The following KIF2A variants were observed in gnomAD, a reference collection of about 807,000 sequenced individuals.
KIF2A encodes the protein kinesin-like protein KIF2A.
A neutral mutation model predicts 100.2 loss-of-function variants in KIF2A; 22 were observed. That is an observed-to-expected ratio of 0.22 (90% confidence interval 0.16 to 0.31). The LOEUF is 0.31. KIF2A is among the 10% of genes least tolerant of loss of function. The pLI, the probability that KIF2A is intolerant of heterozygous loss-of-function variation, is 1.00. For missense variants in KIF2A, 495 were observed against 898.7 expected, an observed-to-expected ratio of 0.55 and a Z score of 5.74; for synonymous variants, 268 against 285.9, an observed-to-expected ratio of 0.94 and a Z score of 0.63.
At chr5:62,363,975 A>G in intron 14 of KIF2A, 76 bp downstream of exon 14, 1 of 1,131,488 alleles carries the variant, frequency 8.8e-7, no homozygotes, top group Non-Finnish European at 1.3e-6. Flanking sequence ...GCAAAATAGT[A>G]GTACTTGTTT....
intron 8 of KIF2A, 44 bp downstream of exon 8, chr5:62,357,789 AT>A (rs780333361): frequency 2.1e-5 from 24 of 1,141,882 alleles, no homozygotes; most frequent in Non-Finnish European, 3.0e-5. Flanking sequence ...ATTTTATCTT[AT>A]TTGTAATGTA....
intron 5 of KIF2A, 55 bp downstream of exon 5, chr5:62,352,765 C>T (rs1747918005): frequency 6.9e-7 from 1 of 1,451,324 alleles, no homozygotes; most frequent in South Asian, 1.2e-5. Flanking sequence ...TGTATTCTCT[C>T]TTGGTCATCC....
At chr5:62,312,949 G>C (rs148653869) in intron 1 of KIF2A, among the ~76,000 whole-genome samples, 49 of 152,168 alleles carry the variant, frequency 3.2e-4, no homozygotes, top group African/African-American at 1.1e-3. Flanking sequence ...TAGGGTGTGT[G>C]ATATTTTGGA....
intron 1 of KIF2A, among the ~76,000 whole-genome samples, chr5:62,333,452 G>A (rs536875778): frequency 2.0e-5 from 3 of 152,310 alleles, no homozygotes; most frequent in Admixed American, 1.3e-4. Context: ...GCGACATCAG[G>A]GGCAGGGCAA....
chr5:62,358,751 G>T (rs1044354824), intron 9 of KIF2A, among the ~76,000 whole-genome samples: 3 of 152,132 alleles, frequency 2.0e-5, no homozygotes, highest in Non-Finnish European at 2.9e-5. Flanking sequence ...GCTCACTGCA[G>T]CCTCGACCTT....
chr5:62,332,704 C>T (rs969327071), intron 1 of KIF2A, among the ~76,000 whole-genome samples: 24 of 152,100 alleles, frequency 1.6e-4, no homozygotes, highest in Admixed American at 1.6e-3. Flanking sequence ...AGTGTATCAA[C>T]ACGAACTCCC....
intron 1 of KIF2A, among the ~76,000 whole-genome samples, chr5:62,310,465 C>T (rs1190516868): frequency 2.0e-5 from 3 of 152,146 alleles, no homozygotes; most frequent in Non-Finnish European, 4.4e-5. Context: ...ATAAATCATA[C>T]ATTATTGGAT....
rs887755880 is a variant in KIF2A, at chr5:62,371,260, GA to G, written c.1647-1170del. On this transcript the variant is annotated intron_variant, in intron 16 of 20. Coordinates refer to ENST00000407818, the MANE Select transcript of KIF2A (RefSeq NM_001098511.3). ...TATGGTGAGACCTTATCTCAAAAAG[GA>G]AAAAAAACATATTTAGATTTTTCAG... 1.7e-4 allele frequency among the ~76,000 whole-genome samples: 25 copies of G among 151,272 alleles called. No individual in the cohort carries two copies. In the East Asian group the frequency reaches 1.7e-3, roughly 11 times the overall value.
chr5:62,362,590 A>G (rs890497154), intron 12 of KIF2A, 49 bp downstream of exon 12: 16 of 804,372 alleles, frequency 2.0e-5, no homozygotes, highest in Middle Eastern at 3.7e-4. Flanking sequence ...TATATATAAC[A>G]TAACATTTGC....
chr5:62,373,073 T>A (rs913467579), intron 17 of KIF2A, among the ~76,000 whole-genome samples: 1 of 151,860 alleles, frequency 6.6e-6, no homozygotes, highest in Non-Finnish European at 1.5e-5. Flanking sequence ...AAAAAAAAAT[T>A]TTTTTTAAAG....
rs1742053910 is a variant in KIF2A at position 62,386,850 on chromosome 5, T to C, written c.*1281T>C. ...CTCCAAGGAAGAAAACTGGCCACTT[T>C]TCATGTAAATATTTTGTTCAAAGAT... On this transcript the variant is annotated 3_prime_UTR_variant, in exon 21 of 21. Coordinates refer to ENST00000407818, the MANE Select transcript of KIF2A (RefSeq NM_001098511.3). Among the ~76,000 whole-genome samples the C allele has an allele frequency of 6.6e-6, 1 of 152,230 alleles. No homozygotes were observed. The highest frequency in any genetic ancestry group is 1.5e-5 in the Non-Finnish European group (1 of 68,028).
chr5:62,344,521 T>C (rs58057332), intron 1 of KIF2A, among the ~76,000 whole-genome samples: 37,318 of 151,974 alleles, frequency 0.25, 4,659 homozygotes, highest in Middle Eastern at 0.3. Context: ...CTCAGTGTTG[T>C]TGAGGGTGTG....
chr5:62,362,312 TA>T (rs1748451133), intron 11 of KIF2A, 137 bp from the exon 12 acceptor site: 1 of 368,836 alleles, frequency 2.7e-6, no homozygotes, highest in Non-Finnish European at 4.9e-6. Flanking sequence ...GTAAAATTAA[TA>T]TTCACTTTCT....
chr5:62,380,244 ATG>A (rs1418907857), intron 19 of KIF2A, among the ~76,000 whole-genome samples: 1 of 152,158 alleles, frequency 6.6e-6, no homozygotes, highest in Non-Finnish European at 1.5e-5. Context: ...CTAATTGGAT[ATG>A]TTAGTTTGTC....
intron 1 of KIF2A, among the ~76,000 whole-genome samples, chr5:62,323,338 G>A (rs532007073): frequency 2.0e-5 from 3 of 151,590 alleles, no homozygotes; most frequent in South Asian, 2.1e-4. Context: ...TCGAGACCAC[G>A]TTGAAACCCT....
intron 1 of KIF2A, among the ~76,000 whole-genome samples, chr5:62,311,303 TCTTA>T (rs1267476579): frequency 6.6e-6 from 1 of 152,192 alleles, no homozygotes; most frequent in Non-Finnish European, 1.5e-5. Flanking sequence ...GGAAATTGCT[TCTTA>T]CTTCGGAGAA....
intron 1 of KIF2A, among the ~76,000 whole-genome samples, chr5:62,342,757 ATT>A (rs558258021): frequency 1.6e-4 from 22 of 141,746 alleles, no homozygotes; most frequent in African/African-American, 1.8e-4. Flanking sequence ...TTTAATCTTA[ATT>A]TTTTTTTTTT....
At chr5:62,352,861 T>C in intron 5 of KIF2A, 151 bp downstream of exon 5, 1 of 599,026 alleles carries the variant, frequency 1.7e-6, no homozygotes, top group South Asian at 3.7e-5. Context: ...AACTTCTTCT[T>C]ATTAGTCTGT....
At position 62,386,684 on chromosome 5, in the gene KIF2A, G is replaced by C. The variant is rs983457584; in HGVS notation, c.*1115G>C. On this transcript the variant is annotated 3_prime_UTR_variant, in exon 21 of 21. Coordinates refer to ENST00000407818, the MANE Select transcript of KIF2A (RefSeq NM_001098511.3). ...AGAGTTGACTTTGCCTTAAAAGGCA[G>C]ATCTAACCCAAGCTCCATCCAGTAC... 6.6e-6 allele frequency among the ~76,000 whole-genome samples: 1 copy of C among 152,224 alleles called. No homozygotes were observed. The highest frequency in any genetic ancestry group is 2.4e-5 in the African/African-American group (1 of 41,464).
Sources: gnomAD v4.1 joint callset for allele counts (sites outside exome capture counted in the v4.1 genomes callset) on GRCh38, gnomAD v4.1.1 for gene constraint, MANE v1.5 for transcripts, NCBI Gene and HGNC (gene_info 2026-07-23, HGNC 2026-07-21) for gene names.